Variants in SATB2 observed in about 807,000 individuals in gnomAD.
The protein encoded by SATB2 is SATB homeobox 2, also known as DNA-binding protein SATB2.
Under a neutral mutation model 73.4 loss-of-function variants are expected in SATB2, and 1 was observed. That is an observed-to-expected ratio of 0.01 (90% confidence interval 0.00 to 0.06). SATB2 has a LOEUF of 0.06. SATB2 is among the 10% of genes least tolerant of loss of function. SATB2 has a pLI of 1.00. For synonymous variants in SATB2, 397 were observed against 367.0 expected (o/e 1.08, Z -0.93); for missense variants, 459 against 945.8 (o/e 0.49, Z 6.75).
chr2:199,376,658 G>A (rs542302459), intron 5 of SATB2, among the ~76,000 whole-genome samples: 1 of 152,248 alleles, frequency 6.6e-6, no homozygotes, highest in Non-Finnish European at 1.5e-5. Flanking sequence ...TGGACACAAA[G>A]ATCAATAAGA....
At chr2:199,385,527 T>C (rs1241109265) in intron 3 of SATB2, among the ~76,000 whole-genome samples, 1 of 152,174 alleles carries the variant, frequency 6.6e-6, no homozygotes, top group African/African-American at 2.4e-5. Flanking sequence ...CTAGTATAGG[T>C]GTACCTCCAA....
chr2:199,383,204 C>T (rs1470492033), intron 3 of SATB2, among the ~76,000 whole-genome samples: 4 of 152,188 alleles, frequency 2.6e-5, no homozygotes, highest in Non-Finnish European at 1.5e-5. Flanking sequence ...AGCTCTCATT[C>T]ATAGTACCGT....
chr2:199,283,356 C>T (rs1385447816), intron 10 of SATB2, among the ~76,000 whole-genome samples: 1 of 150,680 alleles, frequency 6.6e-6, no homozygotes, highest in Non-Finnish European at 1.5e-5. Flanking sequence ...TCCCAAAGTG[C>T]TGGGATTACA....
At chr2:199,355,602 A>G (rs923797665) in intron 6 of SATB2, among the ~76,000 whole-genome samples, 2 of 151,938 alleles carry the variant, frequency 1.3e-5, no homozygotes, top group South Asian at 4.2e-4. Flanking sequence ...GCAAACTGAA[A>G]TTTCAAAGGC....
At position 199,314,763 on chromosome 2, in the gene SATB2, G is replaced by T. The variant is rs185184477; in HGVS notation, c.1543-5806C>A. 1.8e-4 allele frequency among the ~76,000 whole-genome samples: 27 copies of T among 152,096 alleles called. No homozygotes were observed. The East Asian group carries it at 5.2e-3, about 29-fold the overall frequency. Reference sequence around the variant, plus strand: ...CTGAAAGTCTAGAAATGAAGGTAGGGCTCAGATTATAAAGAATGTCATGCA... The same window carrying T: ...CTGAAAGTCTAGAAATGAAGGTAGGTCTCAGATTATAAAGAATGTCATGCA... On this transcript the variant is annotated intron_variant, in intron 9 of 10. Coordinates refer to ENST00000417098, the MANE Select transcript of SATB2 (RefSeq NM_001172509.2).
At chr2:199,352,523 T>A (rs1334581316) in intron 6 of SATB2, among the ~76,000 whole-genome samples, 1 of 152,204 alleles carries the variant, frequency 6.6e-6, no homozygotes, top group African/African-American at 2.4e-5. Flanking sequence ...TATAAATTCT[T>A]GTAGTTAAGA....
chr2:199,355,354 A>ATATATATATCTATC lies in SATB2; in HGVS notation c.701-6182_701-6181insGATAGATATATATA, dbSNP rs1558999279. 1.7e-3 allele frequency among the ~76,000 whole-genome samples: 42 copies of ATATATATATCTATC among 24,838 alleles called. 1 individual carries two copies. Among genetic ancestry groups the ATATATATATCTATC allele is most frequent in the African/African-American group, 2.5e-3 (41 of 16,262 alleles). The allele number at this position is 24,838 out of a possible 152,430, so 16.3% of individuals were successfully genotyped here. A position where few individuals can be genotyped will look rare whatever the true frequency, so the allele number is the denominator to read the frequency against. On this transcript the variant is annotated intron_variant, in intron 6 of 10. Transcript: ENST00000417098. The stretch of plus-strand genomic sequence containing the variant: ...TGTGTGTGTGTGTGTGTATCTATAT[A>ATATATATATCTATC]TATATATATATATATATATATAGTC...
At chr2:199,344,269 CACAGAG>C (rs1323824215) in intron 7 of SATB2, among the ~76,000 whole-genome samples, 1 of 152,172 alleles carries the variant, frequency 6.6e-6, no homozygotes. Flanking sequence ...CACACACACA[CACAGAG>C]ACAGAGAACT....
chr2:199,396,106 T>G (rs2105886710), intron 3 of SATB2: 1 of 152,362 alleles, frequency 6.6e-6, no homozygotes, highest in South Asian at 2.1e-4. Flanking sequence ...AAGCTGACTT[T>G]ACTTTGTATA....
intron 10 of SATB2, among the ~76,000 whole-genome samples, chr2:199,284,698 C>T (rs1293729823): frequency 6.6e-6 from 1 of 151,590 alleles, no homozygotes; most frequent in Non-Finnish European, 1.5e-5. Context: ...ATAAATATAT[C>T]ATTTACATAT....
At chr2:199,471,048 T>A (rs558662882) in exon 1 of SATB2, 26 of 152,554 alleles carry the variant, frequency 1.7e-4, no homozygotes, top group African/African-American at 6.0e-4. Flanking sequence ...CAATTAACTA[T>A]CTGTTGTGTC....
rs531839183 is a variant in SATB2 at position 199,412,224 on chromosome 2, C to A, written c.346+21114G>T. Among the ~76,000 whole-genome samples, 38 of 152,182 alleles carry A rather than the reference C, an allele frequency of 2.5e-4. No homozygotes were observed. The East Asian group carries it at 4.4e-3, about 18-fold the overall frequency. ...TGATGCATACTTGGAAAATATTTAA[C>A]AAGGAGGATATAAAATATGGTGGTA... is the stretch of plus-strand genomic sequence containing the variant. On this transcript the variant is annotated intron_variant, in intron 3 of 10. Coordinates refer to ENST00000417098, the MANE Select transcript of SATB2 (RefSeq NM_001172509.2).
rs573485094 is a variant in SATB2 at position 199,407,468 on chromosome 2, C to CT, written c.347-25649dup. Among the ~76,000 whole-genome samples the CT allele has an allele frequency of 6.9e-3, 1,054 of 152,150 alleles. 7 individuals are homozygous for CT. The highest frequency in any genetic ancestry group is 9.6e-3 in the Non-Finnish European group (650 of 67,992). ...GAAGCAGAGAAACAAGTAGGAATCT[C>CT]TAAGAATCTTATCAAAGAGGTTACA... is the stretch of plus-strand genomic sequence containing the variant. On this transcript the variant is annotated intron_variant, in intron 3 of 10. Transcript: ENST00000417098.
upstream of SATB2, chr2:199,459,688 C>T (rs892732577): frequency 9.8e-5 from 15 of 152,848 alleles, no homozygotes; most frequent in African/African-American, 2.9e-4. The surrounding 1 kb of genome is among the most constrained non-coding windows in gnomAD (Gnocchi z 4.2). Flanking sequence ...AGCCACCGAT[C>T]CCCCTTAAGA....
At position 199,455,954 on chromosome 2, in the gene SATB2, T is replaced by C. The variant is rs2105957229; in HGVS notation, c.84A>G (p.Pro28=). The C allele has an allele frequency of 1.9e-6, 3 of 1,538,520 alleles. No homozygotes were observed. The highest frequency in any genetic ancestry group is 1.2e-5 in the South Asian group (1 of 84,052). ...TCTGCTCCAGCCGGGCCACCTTCAC[T>C]GGGGGAGGCCCCTTGACGTCCGGGC... ...SGSPDVKGPP[P]VKVARLEQNG... The change falls in exon 2 of 11, where the codon CCA becomes CCG. Residue 28 remains proline (P), a synonymous_variant. Coordinates refer to ENST00000417098, the MANE Select transcript of SATB2 (RefSeq NM_001172509.2). The surrounding 1 kb of genome is among the most constrained non-coding windows in gnomAD (Gnocchi z 4.1).
intron 10 of SATB2, among the ~76,000 whole-genome samples, chr2:199,286,170 T>C (rs1202398344): frequency 6.6e-6 from 1 of 151,926 alleles, no homozygotes; most frequent in Non-Finnish European, 1.5e-5. Flanking sequence ...TTAATCTGAT[T>C]GCTGGGAGTG....
chr2:199,342,669 TTC>T (rs2105814739), intron 7 of SATB2, among the ~76,000 whole-genome samples: 1 of 152,244 alleles, frequency 6.6e-6, no homozygotes, highest in South Asian at 2.1e-4. Flanking sequence ...CCATGTATGT[TTC>T]TGTTAGCAAA....
At chr2:199,413,963 T>G (rs1690898770) in intron 3 of SATB2, among the ~76,000 whole-genome samples, 1 of 152,184 alleles carries the variant, frequency 6.6e-6, no homozygotes, top group Admixed American at 6.5e-5. Flanking sequence ...TCTTAAATGA[T>G]TAATACCTAA....
chr2:199,346,414 C>T (rs1688652695), intron 7 of SATB2, among the ~76,000 whole-genome samples: 1 of 152,138 alleles, frequency 6.6e-6, no homozygotes, highest in Non-Finnish European at 1.5e-5. Context: ...TCCCAAAGTG[C>T]AGGGATTATA....
Sources: allele counts gnomAD v4.1 joint callset (sites outside exome capture counted in the v4.1 genomes callset), GRCh38; gene constraint gnomAD v4.1.1; non-coding constraint Gnocchi (gnomAD v3.1); transcripts MANE v1.5; gene names NCBI Gene and HGNC (gene_info 2026-07-23, HGNC 2026-07-21).